DOCK5: variants seen among roughly 807,000 people sequenced by gnomAD.
DOCK5 encodes the protein dedicator of cytokinesis 5.
Under a neutral mutation model 251.8 loss-of-function variants are expected in DOCK5, and 142 were observed. That is an observed-to-expected ratio of 0.56 (90% CI 0.49 to 0.65). DOCK5 has a LOEUF of 0.65. Ranked by LOEUF, DOCK5 falls within the 30% of genes least tolerant of loss-of-function variation. DOCK5 has a pLI of 0.00. For synonymous variants in DOCK5, 842 were observed against 835.5 expected (o/e 1.01, Z -0.13); for missense variants, 2,111 against 2,312.3 (o/e 0.91, Z 1.79).
intron 24 of DOCK5, 124 bp from the exon 25 acceptor site, chr8:25,342,277 C>G (rs1055244870): frequency 3.0e-6 from 2 of 662,498 alleles, no homozygotes; most frequent in Non-Finnish European, 5.2e-6. Context: ...ACTCTCAGGT[C>G]ATTTTGTAGT....
intron 2 of DOCK5, among the ~76,000 whole-genome samples, chr8:25,261,219 A>G (rs988625050): frequency 1.3e-5 from 2 of 152,144 alleles, no homozygotes; most frequent in Non-Finnish European, 1.5e-5. Flanking sequence ...GTTTACATAT[A>G]TATTTTTTTC....
Position 25,332,611 on chromosome 8 carries a change from A to G in DOCK5, c.2010A>G (p.Gln670=), listed in dbSNP as rs1410160846. The change falls in exon 20 of 52, where the codon CAA becomes CAG. Residue 670 remains glutamine (Q), a synonymous_variant. Transcript: ENST00000276440. ...VDGGEIVKFL[Q]DTLDALFNIM... ...GTTTTTCTTATCTTCAGTTTTTGCA[A>G]GATACACTAGATGCACTCTTTAACA... is the stretch of plus-strand genomic sequence containing the variant. 13 of 1,609,482 alleles carry G rather than the reference A, an allele frequency of 8.1e-6. No individual in the cohort carries two copies. The highest frequency in any genetic ancestry group is 3.4e-5 in the Admixed American group (2 of 59,038).
intron 1 of DOCK5, among the ~76,000 whole-genome samples, chr8:25,197,575 CT>C (rs541455591): frequency 4.4e-3 from 473 of 108,092 alleles, no homozygotes; most frequent in Non-Finnish European, 5.1e-3. Context: ...GTGTCTTTGT[CT>C]TTTTTTTTTT....
chr8:25,229,435 C>G (rs749349728), intron 1 of DOCK5, among the ~76,000 whole-genome samples: 88 of 151,870 alleles, frequency 5.8e-4, no homozygotes, highest in Non-Finnish European at 1.0e-3. Flanking sequence ...GAGCTGAGAT[C>G]TTGCTACTGC....
chr8:25,240,524 A>C (rs1373381863), intron 1 of DOCK5, among the ~76,000 whole-genome samples: 1 of 152,144 alleles, frequency 6.6e-6, no homozygotes, highest in East Asian at 1.9e-4. Context: ...AGATTTGCTA[A>C]ATTCTGGACA....
intron 13 of DOCK5, among the ~76,000 whole-genome samples, chr8:25,313,538 C>G (rs972626094): frequency 6.6e-6 from 1 of 152,210 alleles, no homozygotes; most frequent in Non-Finnish European, 1.5e-5. Context: ...GTTGAAGTTC[C>G]TTGTTATTTG....
At chr8:25,317,280 T>A in intron 14 of DOCK5, 149 bp downstream of exon 14, 8 of 1,228,296 alleles carry the variant, frequency 6.5e-6, no homozygotes, top group Non-Finnish European at 9.0e-6. Flanking sequence ...AATTTGTGAT[T>A]AGCAGTGAGC....
At chr8:25,259,958 A>C (rs75040284) in intron 2 of DOCK5, among the ~76,000 whole-genome samples, 3,398 of 152,308 alleles carry the variant, frequency 0.022, 108 homozygotes, top group African/African-American at 0.072. Flanking sequence ...CTTATTTTCA[A>C]AAGCCCCAGT....
chr8:25,390,122 C>A, intron 41 of DOCK5, 84 bp from the exon 42 acceptor site: 2 of 1,214,240 alleles, frequency 1.6e-6, no homozygotes, highest in Non-Finnish European at 2.3e-6. Flanking sequence ...GCATTTCCGG[C>A]TGTGAAGCAG....
At position 25,259,106 on chromosome 8, in the gene DOCK5, C is replaced by T. The variant is rs529843608; in HGVS notation, c.128-9739C>T. 5.9e-5 allele frequency among the ~76,000 whole-genome samples: 9 copies of T among 152,164 alleles called. No homozygotes were observed. The East Asian group carries it at 1.2e-3, about 20-fold the overall frequency. On this transcript the variant is annotated intron_variant, in intron 2 of 51. Coordinates refer to ENST00000276440, the MANE Select transcript of DOCK5 (RefSeq NM_024940.8). ...CTGTACGCCAGTCTGGGTGACAGAGCGAGACTCTGTCTCAAAGAATGAATA... is the reference window on the plus strand; with the variant it reads ...CTGTACGCCAGTCTGGGTGACAGAGTGAGACTCTGTCTCAAAGAATGAATA...
At chr8:25,199,646 G>A (rs1014189441) in intron 1 of DOCK5, among the ~76,000 whole-genome samples, 36 of 152,320 alleles carry the variant, frequency 2.4e-4, no homozygotes, top group African/African-American at 8.7e-4. Flanking sequence ...GCCTCCCAAA[G>A]TGTTGGGATT....
intron 1 of DOCK5, among the ~76,000 whole-genome samples, chr8:25,214,009 C>A (rs983526321): frequency 2.6e-5 from 4 of 152,146 alleles, no homozygotes; most frequent in Non-Finnish European, 5.9e-5. Flanking sequence ...ACACAAAATT[C>A]ATTGGTTTCA....
At chr8:25,363,017 T>G in intron 28 of DOCK5, 30 bp from the exon 29 acceptor site, 1 of 1,576,044 alleles carries the variant, frequency 6.3e-7, no homozygotes, top group Non-Finnish European at 8.7e-7. Flanking sequence ...TAACCCAGTT[T>G]TCCCCCAACC....
intron 4 of DOCK5, 87 bp downstream of exon 4, chr8:25,275,528 G>A: frequency 7.5e-7 from 1 of 1,327,532 alleles, no homozygotes; most frequent in Non-Finnish European, 1.1e-6. Context: ...AATGCCTTAT[G>A]TACGTTAATA....
At chr8:25,272,520 C>A (rs1803938627) in intron 3 of DOCK5, among the ~76,000 whole-genome samples, 1 of 152,116 alleles carries the variant, frequency 6.6e-6, no homozygotes, top group Admixed American at 6.6e-5. Flanking sequence ...TTTAATTGGT[C>A]CTTTACCTTC....
chr8:25,231,964 G>T lies in DOCK5; in HGVS notation c.44-11710G>T, dbSNP rs117709777. Reference sequence around the variant, plus strand: ...TAATATGTTGGGTGATGTTGATATTGGAATGTTCCTCGGGTTATTTAGAGG... The same window carrying T: ...TAATATGTTGGGTGATGTTGATATTTGAATGTTCCTCGGGTTATTTAGAGG... On this transcript the variant is annotated intron_variant, in intron 1 of 51. Transcript: ENST00000276440. 3.4e-3 allele frequency among the ~76,000 whole-genome samples: 510 copies of T among 152,030 alleles called. 1 individual carries two copies. The highest frequency in any genetic ancestry group is 5.5e-3 in the Non-Finnish European group (376 of 67,978).
chr8:25,407,811 A>C (rs2659591), intron 48 of DOCK5, among the ~76,000 whole-genome samples, 172 bp from the exon 49 acceptor site: 136,525 of 150,128 alleles, frequency 0.91, 63,484 homozygotes, highest in East Asian at 1. Flanking sequence ...TTATAGTGAG[A>C]TGTGATCGCA....
chr8:25,391,201 GTGTGTGTGTGTGTGTGTGT>G lies in DOCK5; in HGVS notation c.4356-694_4356-676del, dbSNP rs1801253756. Among the ~76,000 whole-genome samples the G allele has an allele frequency of 2.3e-4, 32 of 139,726 alleles. No homozygotes were observed. In the East Asian group the frequency reaches 5.0e-3, roughly 22 times the overall value. 91.7% of individuals were successfully genotyped at this position (139,726 alleles called of 152,430 possible). Reference sequence around the variant, plus strand: ...CTGGGACATACACCACCACACCTGTGTGTGTGTGTGTGTGTGTGTGTGTGTGTGTGTGTGTGTGTGTGTG... The same window carrying G: ...CTGGGACATACACCACCACACCTGTGGTGTGTGTGTGTGTGTGTGTGTGTG... On this transcript the variant is annotated intron_variant, in intron 42 of 51. Transcript: ENST00000276440.
At chr8:25,220,673 G>A (rs1445198014) in intron 1 of DOCK5, among the ~76,000 whole-genome samples, 3 of 152,076 alleles carry the variant, frequency 2.0e-5, no homozygotes, top group Non-Finnish European at 4.4e-5. Flanking sequence ...GTATAGTGGC[G>A]CAATCTCGGC....
Sources: gnomAD v4.1 joint callset for allele counts (sites outside exome capture counted in the v4.1 genomes callset) on GRCh38, gnomAD v4.1.1 for gene constraint, MANE v1.5 for transcripts, NCBI Gene and HGNC (gene_info 2026-07-23, HGNC 2026-07-21) for gene names.